Variants in KCNQ1 observed in about 807,000 individuals in gnomAD.
KCNQ1 encodes potassium voltage-gated channel subfamily KQT member 1.
In KCNQ1, 49 loss-of-function variants were observed where a neutral mutation model predicts 72.4. The observed-to-expected ratio is 0.68, with a 90% confidence interval of 0.54 to 0.86. The LOEUF (loss-of-function observed/expected upper bound fraction) is 0.86, where lower values mean the gene tolerates loss of function less well. KCNQ1 is among the 40% of genes least tolerant of loss of function. The pLI is 0.00. For missense variants in KCNQ1, 790 were observed against 945.1 expected, an observed-to-expected ratio of 0.84 and a Z score of 2.15; for synonymous variants, 450 against 412.6, an observed-to-expected ratio of 1.09 and a Z score of -1.10.
At chr11:2,835,522 C>T (rs548997561) in intron 15 of KCNQ1, among the ~76,000 whole-genome samples, 1 of 152,298 alleles carries the variant, frequency 6.6e-6, no homozygotes, top group African/African-American at 2.4e-5. Context: ...GGCAGCTCAC[C>T]CTGCAAGTCT....
chr11:2,697,088 G>A (rs1031534910), intron 11 of KCNQ1: 9 of 398,324 alleles, frequency 2.3e-5, no homozygotes, highest in African/African-American at 1.6e-4. Context: ...GACATTATTT[G>A]CCTTTTCTTT....
rs1846353968 is a variant in KCNQ1, at chr11:2,759,438, G to C, written c.1515-9406G>C. 6.6e-6 allele frequency among the ~76,000 whole-genome samples: 1 copy of C among 152,290 alleles called. No homozygotes were observed. Among genetic ancestry groups the C allele is most frequent in the Admixed American group, 6.5e-5 (1 of 15,314 alleles). On this transcript the variant is annotated intron_variant, in intron 11 of 15. Transcript: ENST00000155840. The surrounding 1 kb of genome is among the most constrained non-coding windows in gnomAD (Gnocchi z 4.4). ...TGTGCAGAGGGCAGGGGTCCCCAGG[G>C]GATGTTCCTTCCCCAAGGCGCTGTG...
At position 2,521,380 on chromosome 11, in the gene KCNQ1, G is replaced by A. The variant is rs982357705; in HGVS notation, c.387-6548G>A. On this transcript the variant is annotated intron_variant, in intron 1 of 15. Transcript: ENST00000155840. ...CTGTGACTGGCACTGTGTGTTATCC[G>A]GTGTCCTCAAGGTGCCTCTCTGCTC... is the stretch of plus-strand genomic sequence containing the variant. 2.0e-5 allele frequency: 8 copies of A among 397,940 alleles called. 1 individual carries two copies. In the Middle Eastern group the frequency reaches 1.8e-3, roughly 89 times the overall value. The allele number at this position is 397,940 out of a possible 1,614,324, so 24.7% of individuals were successfully genotyped here. A position where few individuals can be genotyped will look rare whatever the true frequency, so the allele number is the denominator to read the frequency against.
intron 11 of KCNQ1, chr11:2,693,959 C>T (rs1850631589): frequency 5.0e-6 from 2 of 398,622 alleles, no homozygotes; most frequent in Non-Finnish European, 4.4e-6. Context: ...CATCAGTCTG[C>T]ACTAACTGGA....
chr11:2,793,849 G>C (rs1208213526), intron 15 of KCNQ1, among the ~76,000 whole-genome samples: 1 of 152,204 alleles, frequency 6.6e-6, no homozygotes, highest in South Asian at 2.1e-4. Context: ...GCAGGGGGAC[G>C]CACATAGTGA....
chr11:2,802,788 C>T (rs1847293989), intron 15 of KCNQ1, among the ~76,000 whole-genome samples: 1 of 152,212 alleles, frequency 6.6e-6, no homozygotes, highest in Admixed American at 6.5e-5. Flanking sequence ...TGCATGCTCC[C>T]AGCCCTTCAC....
rs562712536 is a variant in KCNQ1, at chr11:2,772,024, G to T, written c.1590+3105G>T. 6.6e-6 allele frequency among the ~76,000 whole-genome samples: 1 copy of T among 152,284 alleles called. No individual in the cohort carries two copies. Among genetic ancestry groups the T allele is most frequent in the African/African-American group, 2.4e-5 (1 of 41,564 alleles). ...CTGGCAACAGCAGGATCCTCGCAGG[G>T]CACAGAGGCTCCTGCACAAAGCCGC... On this transcript the variant is annotated intron_variant, in intron 12 of 15. Coordinates refer to ENST00000155840, the MANE Select transcript of KCNQ1 (RefSeq NM_000218.3). The surrounding 1 kb of genome is among the most constrained non-coding windows in gnomAD (Gnocchi z 6.6).
In KCNQ1 at chr11:2,611,440, G is replaced by A. The variant is rs1205563097; in HGVS notation, c.1393+22586G>A. 3 of 397,658 alleles carry A rather than the reference G, an allele frequency of 7.5e-6. No homozygotes were observed. Among genetic ancestry groups the A allele is most frequent in the African/African-American group, 6.2e-5 (3 of 48,604 alleles). 24.6% of individuals were successfully genotyped at this position (397,658 alleles called of 1,614,324 possible). On this transcript the variant is annotated intron_variant, in intron 10 of 15. Coordinates refer to ENST00000155840, the MANE Select transcript of KCNQ1 (RefSeq NM_000218.3). The surrounding 1 kb of genome is among the most constrained non-coding windows in gnomAD (Gnocchi z 5.3). ...TTGACCAGGCTGGTCTTGAACTCCT[G>A]ACCTCGAGTGATCTGTCTGCCTCAG...
chr11:2,726,591 C>A (rs1050917728), intron 11 of KCNQ1, among the ~76,000 whole-genome samples: 4 of 152,148 alleles, frequency 2.6e-5, no homozygotes, highest in African/African-American at 9.7e-5. Context: ...CTGGGTGGGA[C>A]CCCGGTGAAG....
At chr11:2,531,674 G>A (rs540214543) in intron 2 of KCNQ1, among the ~76,000 whole-genome samples, 6 of 152,294 alleles carry the variant, frequency 3.9e-5, no homozygotes, top group South Asian at 4.1e-4. Context: ...GAAGCAGCCC[G>A]TGGCCCCAAG....
intron 10 of KCNQ1, among the ~76,000 whole-genome samples, chr11:2,591,202 T>C (rs1186853248): frequency 6.6e-6 from 1 of 152,174 alleles, no homozygotes; most frequent in Non-Finnish European, 1.5e-5. Flanking sequence ...CCCGCCAAGC[T>C]CCAGTTCATT....
intron 15 of KCNQ1, among the ~76,000 whole-genome samples, chr11:2,780,282 T>C (rs1345705623): frequency 6.6e-6 from 1 of 152,202 alleles, no homozygotes; most frequent in Non-Finnish European, 1.5e-5. Flanking sequence ...TGGCTGGGCC[T>C]GGAGGGCTTG....
intron 11 of KCNQ1, chr11:2,688,162 C>T: frequency 5.0e-6 from 2 of 398,796 alleles, no homozygotes; most frequent in Non-Finnish European, 4.4e-6. Context: ...GCTCCCTAGG[C>T]CTCTGCAGAC....
At chr11:2,560,155 G>A (rs1848137855) in intron 2 of KCNQ1, among the ~76,000 whole-genome samples, 1 of 118,818 alleles carries the variant, frequency 8.4e-6, no homozygotes, top group African/African-American at 3.2e-5. Flanking sequence ...CCAGCCCAGG[G>A]GAATGAGGGG....
At chr11:2,500,695 T>TA (rs1014599718) in intron 1 of KCNQ1, among the ~76,000 whole-genome samples, 1 of 151,992 alleles carries the variant, frequency 6.6e-6, no homozygotes, top group Non-Finnish European at 1.5e-5. Context: ...TATGCAGCCA[T>TA]AAAAAAAGAT....
Position 2,446,276 on chromosome 11 carries a change from C to T in KCNQ1, c.386+792C>T, listed in dbSNP as rs933443680. ...CTCCGGGAAGGTCCAGGCTGCTCTC[C>T]TCCATGCCTGCCTGGGGCCTTCCCC... On this transcript the variant is annotated intron_variant, in intron 1 of 15. Coordinates refer to ENST00000155840, the MANE Select transcript of KCNQ1 (RefSeq NM_000218.3). The surrounding 1 kb of genome is among the most constrained non-coding windows in gnomAD (Gnocchi z 8.8). 1.3e-5 allele frequency among the ~76,000 whole-genome samples: 2 copies of T among 152,232 alleles called. No individual in the cohort carries two copies. Among genetic ancestry groups the T allele is most frequent in the Admixed American group, 1.3e-4 (2 of 15,290 alleles).
rs960876885 is a variant in KCNQ1 at position 2,664,625 on chromosome 11, A to G, written c.1514+2544A>G. 13 of 398,682 alleles carry G rather than the reference A, an allele frequency of 3.3e-5. No individual in the cohort carries two copies. Among genetic ancestry groups the G allele is most frequent in the Non-Finnish European group, 5.3e-5 (12 of 226,132 alleles). The allele number at this position is 398,682 out of a possible 1,614,324, so 24.7% of individuals were successfully genotyped here. On this transcript the variant is annotated intron_variant, in intron 11 of 15. Transcript: ENST00000155840. The surrounding 1 kb of genome is among the most constrained non-coding windows in gnomAD (Gnocchi z 5.1). ...CTGCACAGCCCGCCCAGTGATGCCC[A>G]TAATTAAATTCGGCTCCAGCTGCTC...
rs922475763 is a variant in KCNQ1 at position 2,787,978 on chromosome 11, G to A, written c.1794+9941G>A. 6.6e-5 allele frequency among the ~76,000 whole-genome samples: 10 copies of A among 152,128 alleles called. No individual in the cohort carries two copies. The highest frequency in any genetic ancestry group is 2.4e-4 in the African/African-American group (10 of 41,406). On this transcript the variant is annotated intron_variant, in intron 15 of 15. Coordinates refer to ENST00000155840, the MANE Select transcript of KCNQ1 (RefSeq NM_000218.3). This position sits in a 1 kb window ranked among gnomAD's most constrained non-coding sequence, Gnocchi z 6.3. ...GCTATGGGACAGCGCTGCTTTGGAC[G>A]GGCATGGCCGTGCGCGCGTGTGGGG...
chr11:2,454,997 T>C (rs1352682711), intron 1 of KCNQ1, among the ~76,000 whole-genome samples: 1 of 152,064 alleles, frequency 6.6e-6, no homozygotes, highest in Non-Finnish European at 1.5e-5. Flanking sequence ...TCACCGATGA[T>C]GATAAGATTC....
Sources: allele counts gnomAD v4.1 joint callset (sites outside exome capture counted in the v4.1 genomes callset), GRCh38; gene constraint gnomAD v4.1.1; non-coding constraint Gnocchi (gnomAD v3.1); transcripts MANE v1.5; gene names NCBI Gene and HGNC (gene_info 2026-07-23, HGNC 2026-07-21).